Variants in TEPSIN observed in about 807,000 individuals in gnomAD.
TEPSIN encodes the protein AP-4 complex accessory subunit tepsin.
A neutral mutation model predicts 48.5 loss-of-function variants in TEPSIN; 50 were observed. That is an observed-to-expected ratio of 1.03 (90% CI 0.82 to 1.31). The LOEUF (loss-of-function observed/expected upper bound fraction) is 1.31, where lower values mean the gene tolerates loss of function less well. TEPSIN is among the 50% of genes most tolerant of loss of function. TEPSIN has a pLI of 0.00. For missense variants in TEPSIN, 838 were observed against 815.9 expected (o/e 1.03, Z -0.33); for synonymous variants, 392 against 358.8 (o/e 1.09, Z -1.05).
rs887247438 is a variant in TEPSIN, at chr17:81,238,625, T to G, written c.48+361A>C. The G allele has an allele frequency of 4.2e-5, 47 of 1,129,566 alleles. 1 individual carries two copies. The highest frequency in any genetic ancestry group is 7.3e-4 in the Middle Eastern group (2 of 2,732). The allele number at this position is 1,129,566 out of a possible 1,614,324, so 70.0% of individuals were successfully genotyped here. A position where few individuals can be genotyped will look rare whatever the true frequency, so the allele number is the denominator to read the frequency against. ...GCCACCGTCAGGGAGGACGGCGGGC[T>G]GCCAGCCCACCTGGGCGCCAGCAGC... On this transcript the variant is annotated intron_variant, in intron 1 of 12. Coordinates refer to ENST00000637944, the MANE Select transcript of TEPSIN (RefSeq NM_001363764.2).
At position 81,232,477 on chromosome 17, in the gene TEPSIN, C is replaced by T. The variant is rs780369515; in HGVS notation, c.568G>A (p.Ala190Thr). 16 of 1,534,914 alleles carry T rather than the reference C, an allele frequency of 1.0e-5. No individual in the cohort carries two copies. Among genetic ancestry groups the T allele is most frequent in the Admixed American group, 2.0e-5 (1 of 50,974 alleles). ...CGCATGGCGCTGGCCACCACCTCTG[C>T]GGCCTTCTGGATGGTGGAGAGGAAG... ...EAFLSTIQKAAEVVASAMRPG... is the reference protein window; with the variant it reads ...EAFLSTIQKATEVVASAMRPG... The change falls in exon 8 of 13, where the codon GCA becomes ACA. Residue 190 changes from alanine to threonine, a missense_variant. By Grantham distance (58) the Ala-to-Thr change is moderately conservative (BLOSUM62 0). Transcript: ENST00000637944.
In TEPSIN at chr17:81,236,964, C is replaced by A. The variant is rs756936522; in HGVS notation, c.213+16G>T. 2.3e-5 allele frequency: 36 copies of A among 1,561,992 alleles called. No individual in the cohort carries two copies. The highest frequency in any genetic ancestry group is 2.7e-5 in the African/African-American group (2 of 73,818). ...GCCGGGCCTCAGGCCTGACCCTTGA[C>A]CACCCAGGGGCTCACCTTGAGCTTC... On this transcript the variant is annotated intron_variant, in intron 3 of 12. Coordinates refer to ENST00000637944, the MANE Select transcript of TEPSIN (RefSeq NM_001363764.2).
chr17:81,229,581 G>A, intron 12 of TEPSIN, 105 bp from the exon 13 acceptor site: 1 of 1,261,246 alleles, frequency 7.9e-7, no homozygotes, highest in Admixed American at 2.4e-5. Context: ...CCACCCAGAG[G>A]GCAGGGCCAC....
chr17:81,233,839 G>T lies in TEPSIN; in HGVS notation c.376-123C>A. On this transcript the variant is annotated intron_variant, in intron 5 of 12. Coordinates refer to ENST00000637944, the MANE Select transcript of TEPSIN (RefSeq NM_001363764.2). This position sits in a 1 kb window ranked among gnomAD's most constrained non-coding sequence, Gnocchi z 5.8. ...CTCCTGAGCCACTCAGCTGGACACAGGCTCTGTGTCCACCAGCAAGGAGCA... is the reference window on the plus strand; with the variant it reads ...CTCCTGAGCCACTCAGCTGGACACATGCTCTGTGTCCACCAGCAAGGAGCA... 1 of 1,369,682 alleles carries T rather than the reference G, an allele frequency of 7.3e-7. No individual in the cohort carries two copies. The highest frequency in any genetic ancestry group is 9.8e-7 in the Non-Finnish European group (1 of 1,016,134). The allele number at this position is 1,369,682 out of a possible 1,614,324, so 84.8% of individuals were successfully genotyped here.
At chr17:81,229,612 G>T in intron 12 of TEPSIN, 136 bp from the exon 13 acceptor site, 1 of 882,792 alleles carries the variant, frequency 1.1e-6, no homozygotes, top group Non-Finnish European at 1.7e-6. Flanking sequence ...GACACCGGCT[G>T]CTGGGAGGGG....
At chr17:81,238,961 GC>G in intron 1 of TEPSIN, 24 bp downstream of exon 1, 2 of 1,435,600 alleles carry the variant, frequency 1.4e-6, no homozygotes. Flanking sequence ...TGGGACCGGG[GC>G]CCGGGCGGAC....
In TEPSIN at chr17:81,230,992, C is replaced by T. The variant is rs1490397117; in HGVS notation, c.1099-314G>A. ...CCTGGACAGACCCCAGCGAGAAGCA[C>T]GTGACCTGCTGCCCCGATTGCCTTA... On this transcript the variant is annotated intron_variant, in intron 11 of 12. Coordinates refer to ENST00000637944, the MANE Select transcript of TEPSIN (RefSeq NM_001363764.2). This position sits in a 1 kb window ranked among gnomAD's most constrained non-coding sequence, Gnocchi z 4.2. The T allele has an allele frequency of 7.9e-6, 4 of 504,216 alleles. No homozygotes were observed. Among genetic ancestry groups the T allele is most frequent in the African/African-American group, 5.9e-5 (3 of 51,012 alleles). 31.2% of individuals were successfully genotyped at this position (504,216 alleles called of 1,614,324 possible).
rs2062654209 is a variant in TEPSIN, at chr17:81,233,236, C to T, written c.526+196G>A. On this transcript the variant is annotated intron_variant, in intron 7 of 12. Transcript: ENST00000637944. This position sits in a 1 kb window ranked among gnomAD's most constrained non-coding sequence, Gnocchi z 5.8. Reference sequence around the variant, plus strand: ...TTCTCTCATCTGTCCATAAAGCAGCCCTGGCCACACCTGCCCCACCCCCAC... The same window carrying T: ...TTCTCTCATCTGTCCATAAAGCAGCTCTGGCCACACCTGCCCCACCCCCAC... 2 of 657,660 alleles carry T rather than the reference C, an allele frequency of 3.0e-6. No individual in the cohort carries two copies. The highest frequency in any genetic ancestry group is 6.0e-5 in the Admixed American group (2 of 33,202). The allele number at this position is 657,660 out of a possible 1,614,324, so 40.7% of individuals were successfully genotyped here.
Position 81,228,837 on chromosome 17 carries a change from G to A in TEPSIN, c.*91C>T. 6.7e-7 allele frequency: 1 copy of A among 1,500,000 alleles called. No individual in the cohort carries two copies. Among genetic ancestry groups the A allele is most frequent in the Non-Finnish European group, 9.1e-7 (1 of 1,103,042 alleles). 92.9% of individuals were successfully genotyped at this position (1,500,000 alleles called of 1,614,324 possible). On this transcript the variant is annotated 3_prime_UTR_variant, in exon 13 of 13. Coordinates refer to ENST00000637944, the MANE Select transcript of TEPSIN (RefSeq NM_001363764.2). ...GTCCTCTCAAGTCAAGCTGCCTGGAGACTGTAGCAGCTACGGTTGAGGCTG... is the reference window on the plus strand; with the variant it reads ...GTCCTCTCAAGTCAAGCTGCCTGGAAACTGTAGCAGCTACGGTTGAGGCTG...
chr17:81,231,024 T>G, intron 11 of TEPSIN: 5 of 464,548 alleles, frequency 1.1e-5, no homozygotes, highest in Admixed American at 4.2e-5. Context: ...CTTACCTTCA[T>G]TCCTCCGCAC....
intron 9 of TEPSIN, 42 bp from the exon 10 acceptor site, chr17:81,231,733 T>C (rs2062615209): frequency 6.2e-7 from 1 of 1,605,598 alleles, no homozygotes; most frequent in Non-Finnish European, 8.5e-7. Context: ...GTGGAGGCCA[T>C]GCCCCCACTC....
At position 81,234,230 on chromosome 17, in the gene TEPSIN, G is replaced by A. The variant is rs2062680838; in HGVS notation, c.308-182C>T. 2 of 476,502 alleles carry A rather than the reference G, an allele frequency of 4.2e-6. No homozygotes were observed. Among genetic ancestry groups the A allele is most frequent in the African/African-American group, 4.1e-5 (2 of 48,860 alleles). 29.5% of individuals were successfully genotyped at this position (476,502 alleles called of 1,614,324 possible). On this transcript the variant is annotated intron_variant, in intron 4 of 12. Coordinates refer to ENST00000637944, the MANE Select transcript of TEPSIN (RefSeq NM_001363764.2). The surrounding 1 kb of genome is among the most constrained non-coding windows in gnomAD (Gnocchi z 5.4). The stretch of plus-strand genomic sequence containing the variant: ...GAGGCCACACCTGAGCAGACCCTCA[G>A]CTCCCCCTCACCCATGCCCCACAGA...
chr17:81,235,464 G>C (rs1211407856), intron 4 of TEPSIN, among the ~76,000 whole-genome samples: 3 of 152,176 alleles, frequency 2.0e-5, no homozygotes, highest in African/African-American at 4.8e-5. Context: ...CCAGTGTCCA[G>C]GCACGGCAGG....
intron 7 of TEPSIN, chr17:81,232,753 C>A: frequency 3.8e-6 from 2 of 520,944 alleles, no homozygotes; most frequent in East Asian, 6.4e-5. Context: ...CAGAGTTATG[C>A]CTCCGTCCCT....
rs139795732 is a variant in TEPSIN, at chr17:81,229,179, G to A, written c.1531C>T (p.Arg511Trp). ...EAEARLAESR[R>W]WRPERIPGGT... ...CCTGGGATCCGTTCAGGTCTCCACC[G>A]CCTGCTTTCTGCCAGTCTGGCCTCG... Residue 511 changes from arginine (R) to tryptophan (W), a missense_variant, in exon 13 of 13, where the codon CGG (arginine) becomes TGG (tryptophan). Transcript: ENST00000637944. The A allele has an allele frequency of 8.3e-5, 133 of 1,606,492 alleles. No homozygotes were observed. In the Admixed American group the frequency reaches 1.7e-3, roughly 20 times the overall value.
intron 12 of TEPSIN, chr17:81,229,969 G>A (rs2062555642): frequency 5.8e-6 from 1 of 171,582 alleles, no homozygotes; most frequent in African/African-American, 2.4e-5. Flanking sequence ...GATGACTTGG[G>A]GATGGGTGAC....
rs569375538 is a variant in TEPSIN at position 81,236,844 on chromosome 17, G to A, written c.214-43C>T. 1.7e-5 allele frequency: 26 copies of A among 1,547,156 alleles called. No homozygotes were observed. In the African/African-American group the frequency reaches 1.9e-4, roughly 11 times the overall value. Reference sequence around the variant, plus strand: ...CAGCAGTGCTGGGCAGGCCGGACACGGGACACCCAGGGCAGGGCCCGGGGG... The same window carrying A: ...CAGCAGTGCTGGGCAGGCCGGACACAGGACACCCAGGGCAGGGCCCGGGGG... On this transcript the variant is annotated intron_variant, in intron 3 of 12. Coordinates refer to ENST00000637944, the MANE Select transcript of TEPSIN (RefSeq NM_001363764.2).
chr17:81,233,787 C>T lies in TEPSIN; in HGVS notation c.376-71G>A. 6.8e-7 allele frequency: 1 copy of T among 1,471,618 alleles called. No individual in the cohort carries two copies. The highest frequency in any genetic ancestry group is 9.1e-7 in the Non-Finnish European group (1 of 1,092,996). The allele number at this position is 1,471,618 out of a possible 1,614,324, so 91.2% of individuals were successfully genotyped here. A position where few individuals can be genotyped will look rare whatever the true frequency, so the allele number is the denominator to read the frequency against. On this transcript the variant is annotated intron_variant, in intron 5 of 12. Transcript: ENST00000637944. This position sits in a 1 kb window ranked among gnomAD's most constrained non-coding sequence, Gnocchi z 5.8. The stretch of plus-strand genomic sequence containing the variant: ...GCTGTACTCACCCTGCCACCCATAT[C>T]AGCTCCGTTCTGTCCCCCGGACACT...
chr17:81,237,333 C>CT, intron 2 of TEPSIN, 54 bp downstream of exon 2: 1 of 1,577,102 alleles, frequency 6.3e-7, no homozygotes, highest in Non-Finnish European at 8.6e-7. Flanking sequence ...TTGCACCACT[C>CT]TGGGACCCTG....
Sources: gnomAD v4.1 joint callset for allele counts (sites outside exome capture counted in the v4.1 genomes callset) on GRCh38, gnomAD v4.1.1 for gene constraint, Gnocchi (gnomAD v3.1) non-coding constraint, MANE v1.5 for transcripts, NCBI Gene and HGNC (gene_info 2026-07-23, HGNC 2026-07-21) for gene names.